Variants in CDH23 observed in about 807,000 individuals in gnomAD.
The protein encoded by CDH23 is cadherin related 23.
In CDH23, 189 loss-of-function variants were observed where a neutral mutation model predicts 317.1. The observed-to-expected ratio is 0.60, with a 90% confidence interval of 0.53 to 0.67. CDH23 has a LOEUF of 0.67. CDH23 is among the 30% of genes least tolerant of loss of function. The probability of loss-of-function intolerance (pLI) is 0.00; values close to 1 mark genes in which losing one functional copy is unlikely to be tolerated. For synonymous variants in CDH23, 1,839 were observed against 1,876.8 expected (o/e 0.98, Z 0.52); for missense variants, 4,401 against 4,592.4 (o/e 0.96, Z 1.20).
intron 48 of CDH23, among the ~76,000 whole-genome samples, chr10:71,795,046 T>C (rs1252711730): frequency 1.3e-5 from 2 of 152,124 alleles, no homozygotes; most frequent in Non-Finnish European, 2.9e-5. Flanking sequence ...CTGAAAAGGA[T>C]AATAAATGGG....
In CDH23 at chr10:71,411,663, ATACT is replaced by A. The variant is rs1003224635; in HGVS notation, c.-6+14351_-6+14354del. The stretch of plus-strand genomic sequence containing the variant: ...TTGAATGGAAGTGGTAATAATAAGC[ATACT>A]TACTTCAATTCTGGTATCAAGGAGA... On this transcript the variant is annotated intron_variant, in intron 1 of 69. Coordinates refer to ENST00000224721, the MANE Select transcript of CDH23 (RefSeq NM_022124.6). 6.2e-4 allele frequency among the ~76,000 whole-genome samples: 95 copies of A among 152,312 alleles called. 1 individual carries two copies. Among genetic ancestry groups the A allele is most frequent in the African/African-American group, 2.2e-3 (92 of 41,586 alleles).
Position 71,702,703 on chromosome 10 carries a change from C to CT in CDH23, c.2733+10dup. 1 of 1,613,516 alleles carries CT rather than the reference C, an allele frequency of 6.2e-7. No individual in the cohort carries two copies. The highest frequency in any genetic ancestry group is 2.2e-5 in the East Asian group (1 of 44,880). Reference sequence around the variant, plus strand: ...GGGTCTCCATCTACCAAGTGAGTCTCTATCATCTCATTCCTACCAGCCCAG... The same window carrying CT: ...GGGTCTCCATCTACCAAGTGAGTCTCTTATCATCTCATTCCTACCAGCCCAG... On this transcript the variant is annotated intron_variant, in intron 24 of 69. Transcript: ENST00000224721.
At position 71,779,395 on chromosome 10, in the gene CDH23, C is replaced by G. The variant is rs779882686; in HGVS notation, c.5316C>G (p.Asp1772Glu). 7.4e-6 allele frequency: 12 copies of G among 1,613,616 alleles called. No homozygotes were observed. In the African/African-American group the frequency reaches 1.6e-4, roughly 21 times the overall value. Reference protein sequence around the residue: ...RVWTFLAHDRDSGPNGQVEYS... With the variant: ...RVWTFLAHDRESGPNGQVEYS... The stretch of plus-strand genomic sequence containing the variant: ...GGACCTTCCTGGCCCATGACCGAGA[C>G]TCAGGACCCAACGGGCAGGTGGAGT... The change falls in exon 41 of 70, where the codon GAC (aspartate) becomes GAG (glutamate). Residue 1772 changes from aspartate (D) to glutamate (E), a missense_variant. Around this residue, in one of 3 missense-constraint regions of CDH23, gnomAD observed 3,068 missense variants for 3,203.3 expected, o/e 0.96. Transcript: ENST00000224721.
At chr10:71,466,007 G>A (rs761812747) in intron 3 of CDH23, among the ~76,000 whole-genome samples, 3 of 152,250 alleles carry the variant, frequency 2.0e-5, no homozygotes, top group Admixed American at 1.3e-4. Flanking sequence ...TGTGCTGGGC[G>A]GCTCTTGCTG....
At chr10:71,706,717 C>T (rs1466868702) in intron 25 of CDH23, among the ~76,000 whole-genome samples, 180 bp from the exon 26 acceptor site, 1 of 152,206 alleles carries the variant, frequency 6.6e-6, no homozygotes, top group Non-Finnish European at 1.5e-5. Flanking sequence ...GTCCTGGCCC[C>T]GGTGGGCATG....
At chr10:71,558,906 TCCTAAC>T (rs1212800176) in intron 6 of CDH23, among the ~76,000 whole-genome samples, 1 of 152,202 alleles carries the variant, frequency 6.6e-6, no homozygotes, top group East Asian at 1.9e-4. Context: ...ACAGATTTCC[TCCTAAC>T]CTCCCTGTTT....
At chr10:71,625,374 G>A (rs1861668168) in intron 11 of CDH23, among the ~76,000 whole-genome samples, 1 of 115,180 alleles carries the variant, frequency 8.7e-6, no homozygotes, top group African/African-American at 3.2e-5. Context: ...CCTCCCCATG[G>A]AGAAAACATC....
At chr10:71,800,540 A>G in intron 52 of CDH23, 96 bp from the exon 53 acceptor site, 2 of 1,401,440 alleles carry the variant, frequency 1.4e-6, no homozygotes, top group Non-Finnish European at 2.0e-6. Context: ...TTCAGTGTCA[A>G]ATCTCCAGAG....
intron 30 of CDH23, among the ~76,000 whole-genome samples, chr10:71,730,039 T>G (rs2132818234): frequency 6.6e-6 from 1 of 152,254 alleles, no homozygotes; most frequent in Admixed American, 6.5e-5. Flanking sequence ...TTTCACCGTG[T>G]TAGCCAGGAT....
intron 9 of CDH23, among the ~76,000 whole-genome samples, chr10:71,612,142 C>G (rs1860934375): frequency 6.6e-6 from 1 of 152,146 alleles, no homozygotes; most frequent in African/African-American, 2.4e-5. Flanking sequence ...ATAGCTCTTT[C>G]TGGCTGTTGG....
chr10:71,572,228 G>T (rs1857866312), intron 8 of CDH23, among the ~76,000 whole-genome samples: 1 of 152,186 alleles, frequency 6.6e-6, no homozygotes, highest in Non-Finnish European at 1.5e-5. Flanking sequence ...GAGACTGAAG[G>T]CTGTCTCTTC....
intron 1 of CDH23, among the ~76,000 whole-genome samples, chr10:71,404,588 C>T (rs772654957): frequency 3.3e-5 from 5 of 152,238 alleles, no homozygotes; most frequent in Non-Finnish European, 4.4e-5. Context: ...TCAAGGAACC[C>T]AGATGAAGCT....
Position 71,761,999 on chromosome 10 carries a change from G to A in CDH23, c.4846-15681G>A, listed in dbSNP as rs199678615. The A allele has an allele frequency of 1.5e-5, 24 of 1,609,282 alleles. 1 individual carries two copies. Among genetic ancestry groups the A allele is most frequent in the Admixed American group, 6.7e-5 (4 of 59,868 alleles). ...GGGACAGACATACAGGGAATACGGC[G>A]TGGCGACCTTGAAGGCTGCCACCGG... is the stretch of plus-strand genomic sequence containing the variant. On this transcript the variant is annotated intron_variant, in intron 38 of 69. Coordinates refer to ENST00000224721, the MANE Select transcript of CDH23 (RefSeq NM_022124.6).
chr10:71,711,473 G>A (rs543712894), intron 27 of CDH23, among the ~76,000 whole-genome samples: 9 of 152,194 alleles, frequency 5.9e-5, no homozygotes, highest in East Asian at 1.9e-4. Context: ...GACATGCAGC[G>A]CTGGTTACAA....
intron 66 of CDH23, 150 bp downstream of exon 66, chr10:71,812,165 T>A: frequency 6.3e-7 from 1 of 1,586,286 alleles, no homozygotes; most frequent in Non-Finnish European, 8.6e-7. Context: ...TCACCCTCCC[T>A]CCACCCTCAG....
intron 1 of CDH23, among the ~76,000 whole-genome samples, chr10:71,412,451 C>T (rs1477820765): frequency 6.6e-6 from 1 of 152,186 alleles, no homozygotes; most frequent in Non-Finnish European, 1.5e-5. Context: ...ACAATTTCTC[C>T]ATTTCCTTAC....
chr10:71,708,502 C>T (rs1212703941), intron 26 of CDH23, among the ~76,000 whole-genome samples: 2 of 152,216 alleles, frequency 1.3e-5, no homozygotes, highest in African/African-American at 2.4e-5. Context: ...CTCACACTTC[C>T]CACCTGTCCC....
chr10:71,571,000 T>C (rs1018346118), intron 8 of CDH23, 82 bp downstream of exon 8: 1 of 1,520,226 alleles, frequency 6.6e-7, no homozygotes, highest in Non-Finnish European at 9.0e-7. Flanking sequence ...TGGGCCCTGT[T>C]AGTGGGCTGG....
intron 14 of CDH23, among the ~76,000 whole-genome samples, chr10:71,660,350 C>T (rs572829058): frequency 1.3e-4 from 20 of 152,142 alleles, no homozygotes; most frequent in East Asian, 3.8e-4. Flanking sequence ...TGTTTAAATA[C>T]GATCAAGGTG....
Sources: allele counts gnomAD v4.1 joint callset (sites outside exome capture counted in the v4.1 genomes callset), GRCh38; gene constraint gnomAD v4.1.1; regional missense constraint gnomAD v4.1.1; transcripts MANE v1.5; gene names NCBI Gene and HGNC (gene_info 2026-07-23, HGNC 2026-07-21).